THRAP3: variants seen among roughly 807,000 people sequenced by gnomAD.
THRAP3 encodes thyroid hormone receptor-associated protein 3.
THRAP3 carries 16 observed loss-of-function variants against 101.0 expected under a neutral mutation model. That is an observed-to-expected ratio of 0.16 (90% CI 0.11 to 0.24). The LOEUF is 0.24. Among genes scored for constraint, THRAP3 ranks in the 10% least tolerant of loss-of-function variants. The pLI, the probability that THRAP3 is intolerant of heterozygous loss-of-function variation, is 1.00. For synonymous variants in THRAP3, 407 were observed against 422.6 expected (o/e 0.96, Z 0.45); for missense variants, 989 against 1,202.7 (o/e 0.82, Z 2.63).
At chr1:36,211,492 C>G in the THRAP3 span, among the ~76,000 whole-genome samples, 4 of 152,134 alleles carry the variant, frequency 2.6e-5, no homozygotes, top group African/African-American at 9.7e-5. Flanking sequence ...GAGCCATATT[C>G]GTACCACTTC....
At chr1:36,256,065 G>A (rs1049138312) in intron 1 of THRAP3, among the ~76,000 whole-genome samples, 2 of 151,850 alleles carry the variant, frequency 1.3e-5, no homozygotes, top group African/African-American at 4.8e-5. Context: ...CACCTAGGCT[G>A]GAGTGCAGTA....
chr1:36,287,412 AG>A, intron 4 of THRAP3, 142 bp downstream of exon 4: 1 of 1,390,702 alleles, frequency 7.2e-7, no homozygotes, highest in Non-Finnish European at 9.3e-7. Flanking sequence ...AAACATTAAA[AG>A]CATCACCCAA....
At chr1:36,221,533 C>T (rs1644902933), upstream of THRAP3, among the ~76,000 whole-genome samples, 1 of 152,196 alleles carries the variant, frequency 6.6e-6, no homozygotes, top group African/African-American at 2.4e-5. Flanking sequence ...CAGCCATCAG[C>T]ATAAAAGCAA....
chr1:36,243,996 A>T (rs1382019585), intron 1 of THRAP3, among the ~76,000 whole-genome samples: 1 of 132,826 alleles, frequency 7.5e-6, no homozygotes. Context: ...TCCCTCCCGG[A>T]CGGGGCGGCT....
intron 1 of THRAP3, among the ~76,000 whole-genome samples, chr1:36,256,761 C>T (rs1645381016): frequency 6.6e-6 from 1 of 152,150 alleles, no homozygotes. Flanking sequence ...CTGACCTGAT[C>T]TACCAACAGC....
At chr1:36,213,418 G>T in the THRAP3 span, among the ~76,000 whole-genome samples, 1 of 152,152 alleles carries the variant, frequency 6.6e-6, no homozygotes, top group Non-Finnish European at 1.5e-5. Flanking sequence ...GCCTAAAACA[G>T]GATGGTAGAA....
the THRAP3 span, among the ~76,000 whole-genome samples, chr1:36,214,631 G>A: frequency 4.5e-4 from 68 of 152,120 alleles, no homozygotes; most frequent in African/African-American, 1.6e-3. Context: ...GGCCGAGGTG[G>A]GTGGATCACC....
intron 2 of THRAP3, among the ~76,000 whole-genome samples, chr1:36,261,320 C>T (rs1464161208): frequency 3.3e-5 from 5 of 152,166 alleles, no homozygotes; most frequent in South Asian, 4.1e-4. Flanking sequence ...ATCACGAGGT[C>T]AGGAGATCGA....
At chr1:36,228,824 A>G (rs889297237) in intron 1 of THRAP3, among the ~76,000 whole-genome samples, 3 of 152,254 alleles carry the variant, frequency 2.0e-5, no homozygotes, top group African/African-American at 7.2e-5. Context: ...TAGACCATAT[A>G]ATGCAGCTTT....
At chr1:36,210,705 A>G in the THRAP3 span, among the ~76,000 whole-genome samples, 3 of 3,042 alleles carry the variant, frequency 9.9e-4, 1 homozygote. Flanking sequence ...AAAAAAAAGT[A>G]TATATATATA....
In THRAP3 at chr1:36,282,423, G is replaced by T. The variant is rs908113552; in HGVS notation, c.-31-110G>T. 3 of 750,818 alleles carry T rather than the reference G, an allele frequency of 4.0e-6. No homozygotes were observed. In the Admixed American group the frequency reaches 9.3e-5, roughly 23 times the overall value. The allele number at this position is 750,818 out of a possible 1,614,324, so 46.5% of individuals were successfully genotyped here. ...TTTTTTTTTTTTTTTGTAGATATGG[G>T]GTCTTCTCAAGTTGCCCAGATTAAA... On this transcript the variant is annotated intron_variant, in intron 2 of 11. Transcript: ENST00000354618.
chr1:36,286,445 A>G lies in THRAP3; in HGVS notation c.215A>G (p.Asp72Gly). 6.2e-7 allele frequency: 1 copy of G among 1,614,158 alleles called. No homozygotes were observed. Among genetic ancestry groups the G allele is most frequent in the African/African-American group, 1.3e-5 (1 of 75,032 alleles). Residue 72 changes from aspartate to glycine, a missense_variant, in exon 4 of 12, where the codon GAT becomes GGT. By Grantham distance (94) the Asp-to-Gly change is moderately conservative. Coordinates refer to ENST00000354618, the MANE Select transcript of THRAP3 (RefSeq NM_005119.4). This position sits in a 1 kb window ranked among gnomAD's most constrained non-coding sequence, Gnocchi z 5.5. ...CACCCAAGAGTATATCAGAATCGGG[A>G]TTTCCGAGGTCACAACAGAGGCTAT... is the stretch of plus-strand genomic sequence containing the variant. ...RNHPRVYQNR[D>G]FRGHNRGYRR...
At chr1:36,272,814 G>C (rs1364421362) in intron 2 of THRAP3, among the ~76,000 whole-genome samples, 1 of 152,208 alleles carries the variant, frequency 6.6e-6, no homozygotes, top group Non-Finnish European at 1.5e-5. Flanking sequence ...TAAATGAAGT[G>C]TGTCTCCCTA....
chr1:36,247,722 A>AT (rs964951386), intron 1 of THRAP3, among the ~76,000 whole-genome samples: 13 of 151,874 alleles, frequency 8.6e-5, no homozygotes, highest in African/African-American at 3.1e-4. Flanking sequence ...GTATTGCCTC[A>AT]TTTTTTTTGT....
chr1:36,210,615 A>T, the THRAP3 span, among the ~76,000 whole-genome samples: 1 of 134,586 alleles, frequency 7.4e-6, no homozygotes. Context: ...GCTTGAACCA[A>T]GGAGGTGGAG....
chr1:36,249,857 GTGGT>G (rs914035926), intron 1 of THRAP3, among the ~76,000 whole-genome samples: 1 of 152,126 alleles, frequency 6.6e-6, no homozygotes, highest in Non-Finnish European at 1.5e-5. Context: ...ATAGGAGTCA[GTGGT>G]AGAAGGTGGA....
chr1:36,287,021 C>A lies in THRAP3; in HGVS notation c.791C>A (p.Ser264Ter). 6.2e-7 allele frequency: 1 copy of A among 1,614,112 alleles called. No individual in the cohort carries two copies. The highest frequency in any genetic ancestry group is 1.1e-5 in the South Asian group (1 of 91,050). Residue 264 changes from serine to a stop codon, truncating the protein, a stop_gained, in exon 4 of 12, where the codon TCA (serine) becomes TAA (stop). Coordinates refer to ENST00000354618, the MANE Select transcript of THRAP3 (RefSeq NM_005119.4). LOFTEE classifies it high-confidence loss of function. ...PLQSVVVRRR[S>*]PRPSPVPKPS... The stretch of plus-strand genomic sequence containing the variant: ...CAGTCTGTGGTGGTGAGGCGGCGGT[C>A]ACCCCGTCCTAGCCCCGTGCCAAAA...
rs200518046 is a variant in THRAP3, at chr1:36,296,780, C to T, written c.2303+10C>T. On this transcript the variant is annotated intron_variant, in intron 9 of 11. Coordinates refer to ENST00000354618, the MANE Select transcript of THRAP3 (RefSeq NM_005119.4). ...GATCAAAGAAACAGAAGTACGTAAGCCCCTGTTACCCCTTCCAGACTCTTA... is the reference window on the plus strand; with the variant it reads ...GATCAAAGAAACAGAAGTACGTAAGTCCCTGTTACCCCTTCCAGACTCTTA... 3.8e-6 allele frequency: 6 copies of T among 1,566,288 alleles called. No homozygotes were observed. Among genetic ancestry groups the T allele is most frequent in the Non-Finnish European group, 5.2e-6 (6 of 1,162,696 alleles).
At chr1:36,222,294 A>G (rs1168915330), upstream of THRAP3, among the ~76,000 whole-genome samples, 1 of 152,244 alleles carries the variant, frequency 6.6e-6, no homozygotes, top group Non-Finnish European at 1.5e-5. Flanking sequence ...TAAACATACT[A>G]TATAACTTTA....
Sources: allele counts gnomAD v4.1 joint callset (sites outside exome capture counted in the v4.1 genomes callset), GRCh38; gene constraint gnomAD v4.1.1; non-coding constraint Gnocchi (gnomAD v3.1); transcripts MANE v1.5; gene names NCBI Gene and HGNC (gene_info 2026-07-23, HGNC 2026-07-21).